Variants in EYS observed in about 807,000 individuals in gnomAD.
EYS encodes the protein protein eyes shut homolog.
EYS carries 250 observed loss-of-function variants against 282.1 expected under a neutral mutation model. The ratio of observed to expected loss-of-function variants is 0.89; its 90% CI spans 0.80 to 0.98. The LOEUF is 0.98. EYS is among the 50% of genes least tolerant of loss of function. The pLI is 0.00. For missense variants in EYS, 4,016 were observed against 3,709.0 expected, an observed-to-expected ratio of 1.08 and a Z score of -2.15; for synonymous variants, 1,355 against 1,282.9, an observed-to-expected ratio of 1.06 and a Z score of -1.20.
intron 2 of EYS, among the ~76,000 whole-genome samples, chr6:65,579,487 A>G (rs969658495): frequency 6.6e-6 from 1 of 152,162 alleles, no homozygotes; most frequent in Non-Finnish European, 1.5e-5. Flanking sequence ...GGGTGGTTTA[A>G]ACAACAGAAA....
chr6:63,788,423 C>T (rs2149670532), intron 38 of EYS, among the ~76,000 whole-genome samples, 174 bp from the exon 39 acceptor site: 1 of 152,230 alleles, frequency 6.6e-6, no homozygotes, highest in Middle Eastern at 3.4e-3. Flanking sequence ...GTGTCTGTTA[C>T]CAGGGATATA....
intron 31 of EYS, among the ~76,000 whole-genome samples, chr6:64,132,981 G>C (rs1226005460): frequency 6.6e-6 from 1 of 151,664 alleles, no homozygotes; most frequent in Admixed American, 6.6e-5. Flanking sequence ...AATGTACTAC[G>C]TGTAACTTAG....
chr6:64,319,400 T>A (rs747763166), intron 29 of EYS, among the ~76,000 whole-genome samples: 7 of 151,852 alleles, frequency 4.6e-5, no homozygotes, highest in Non-Finnish European at 1.0e-4. Context: ...AAATCAATGG[T>A]TTTCATCCTG....
intron 26 of EYS, among the ~76,000 whole-genome samples, chr6:64,548,261 T>A (rs1214576038): frequency 6.6e-6 from 1 of 152,184 alleles, no homozygotes; most frequent in East Asian, 1.9e-4. Flanking sequence ...ATTGTGGAAG[T>A]CAGTGTGGCG....
rs189313603 is a variant in EYS, at chr6:65,564,182, A to T, written c.-332-68189T>A. Among the ~76,000 whole-genome samples, 4 of 152,306 alleles carry T rather than the reference A, an allele frequency of 2.6e-5. No homozygotes were observed. The East Asian group carries it at 7.7e-4, about 29-fold the overall frequency. ...TAGATAGGAATAACCAATATTGAAA[A>T]AATGGCCATACTGCCCAAAGTAATT... On this transcript the variant is annotated intron_variant, in intron 2 of 42. Transcript: ENST00000503581.
At chr6:65,393,842 C>CAA (rs200731865) in intron 7 of EYS, among the ~76,000 whole-genome samples, 1 of 146,758 alleles carries the variant, frequency 6.8e-6, no homozygotes, top group African/African-American at 2.5e-5. Flanking sequence ...GAGTAGAAAA[C>CAA]AAAAAAAAAC....
At chr6:64,870,772 A>T (rs553805276) in intron 19 of EYS, among the ~76,000 whole-genome samples, 1 of 151,910 alleles carries the variant, frequency 6.6e-6, no homozygotes, top group East Asian at 1.9e-4. Context: ...CTGGAGCTGT[A>T]AACTACAATA....
At position 65,660,667 on chromosome 6, in the gene EYS, C is replaced by A. The variant is rs149321943; in HGVS notation, c.-447-20775G>T. On this transcript the variant is annotated intron_variant, in intron 1 of 42. Transcript: ENST00000503581. The stretch of plus-strand genomic sequence containing the variant: ...CACGCAATTATATATTTTTAGTACC[C>A]TATTACGTTTGAATATAACATGAAA... 2.8e-4 allele frequency among the ~76,000 whole-genome samples: 43 copies of A among 151,680 alleles called. No individual in the cohort carries two copies. The East Asian group carries it at 8.1e-3, about 29-fold the overall frequency.
At chr6:64,084,338 T>G (rs1018323453) in intron 31 of EYS, among the ~76,000 whole-genome samples, 1 of 152,178 alleles carries the variant, frequency 6.6e-6, no homozygotes, top group South Asian at 2.1e-4. Context: ...CAGATTAAGT[T>G]AAGTAGGCAA....
chr6:64,187,776 CT>C (rs1213820489), intron 31 of EYS, among the ~76,000 whole-genome samples: 1 of 151,980 alleles, frequency 6.6e-6, no homozygotes, highest in Non-Finnish European at 1.5e-5. Context: ...GCTTCTTTAG[CT>C]TTCTTCCTTT....
intron 22 of EYS, among the ~76,000 whole-genome samples, chr6:64,698,712 A>G (rs1407313507): frequency 6.6e-6 from 1 of 152,148 alleles, no homozygotes; most frequent in Non-Finnish European, 1.5e-5. Context: ...TGTGGCAAAC[A>G]AGCATATAAA....
chr6:64,852,638 G>A lies in EYS; in HGVS notation c.2993-29816C>T, dbSNP rs527939205. On this transcript the variant is annotated intron_variant, in intron 19 of 42. Transcript: ENST00000503581. ...AATAAAGTTAAGATGAGGTTATACT[G>A]AAATAAGATCACTCATAAGTCCATT... Among the ~76,000 whole-genome samples the A allele has an allele frequency of 5.2e-4, 79 of 152,244 alleles. 1 individual carries two copies. The highest frequency in any genetic ancestry group is 1.8e-3 in the African/African-American group (73 of 41,554).
intron 26 of EYS, among the ~76,000 whole-genome samples, chr6:64,447,220 AAAG>A (rs200767955): frequency 0.038 from 5,848 of 152,140 alleles, 366 homozygotes; most frequent in African/African-American, 0.13. Context: ...TTATTTCTCT[AAAG>A]AAGAGCTTGA....
chr6:65,253,125 A>C (rs1380665267), intron 12 of EYS, among the ~76,000 whole-genome samples: 3 of 152,016 alleles, frequency 2.0e-5, no homozygotes, highest in Non-Finnish European at 4.4e-5. Flanking sequence ...AGTGAAATCT[A>C]TACATTCAAA....
intron 36 of EYS, among the ~76,000 whole-genome samples, chr6:63,859,192 T>C (rs1772474225): frequency 6.7e-6 from 1 of 150,166 alleles, no homozygotes; most frequent in South Asian, 2.1e-4. Flanking sequence ...GATCCTACTT[T>C]GACCACCCTT....
chr6:64,040,527 G>A (rs1770340804), intron 33 of EYS, among the ~76,000 whole-genome samples: 1 of 151,800 alleles, frequency 6.6e-6, no homozygotes, highest in Non-Finnish European at 1.5e-5. Context: ...ATTTTCAAAT[G>A]TTAATTTGGT....
At position 64,083,542 on chromosome 6, in the gene EYS, TG is replaced by T. The variant is rs573573667; in HGVS notation, c.6425-1541del. 2.2e-3 allele frequency among the ~76,000 whole-genome samples: 330 copies of T among 152,032 alleles called. 1 individual carries two copies. The highest frequency in any genetic ancestry group is 7.5e-3 in the African/African-American group (312 of 41,476). On this transcript the variant is annotated intron_variant, in intron 31 of 42. Transcript: ENST00000503581. ...AGCTTTGAATGGGGAGAAAGTAAGG[TG>T]GGGTGGAAAGGAAAGACTACACAGT... is the stretch of plus-strand genomic sequence containing the variant.
At chr6:63,877,616 G>A (rs1166239951) in intron 35 of EYS, among the ~76,000 whole-genome samples, 3 of 133,214 alleles carry the variant, frequency 2.3e-5, no homozygotes, top group Non-Finnish European at 3.2e-5. Flanking sequence ...CCAATCAGAC[G>A]TAGATTTGTT....
At chr6:64,051,875 A>G (rs1435734625) in intron 33 of EYS, among the ~76,000 whole-genome samples, 2 of 152,140 alleles carry the variant, frequency 1.3e-5, no homozygotes, top group Non-Finnish European at 2.9e-5. Flanking sequence ...GGAAAGATAA[A>G]GGTAGCCATA....
Sources: gnomAD v4.1 joint callset for allele counts (sites outside exome capture counted in the v4.1 genomes callset) on GRCh38, gnomAD v4.1.1 for gene constraint, MANE v1.5 for transcripts, NCBI Gene and HGNC (gene_info 2026-07-23, HGNC 2026-07-21) for gene names.